The following ZCWPW2 variants were observed in gnomAD, a reference collection of about 807,000 sequenced individuals.
ZCWPW2 encodes the protein zinc finger CW-type PWWP domain protein 2.
Under a neutral mutation model 46.6 loss-of-function variants are expected in ZCWPW2, and 45 were observed. The observed-to-expected ratio is 0.96, with a 90% confidence interval of 0.76 to 1.24. ZCWPW2 has a LOEUF of 1.24. Ranked by LOEUF, ZCWPW2 falls within the 50% of genes most tolerant of loss-of-function variation. ZCWPW2 has a pLI of 0.00. For missense variants in ZCWPW2, 429 were observed against 403.9 expected, an observed-to-expected ratio of 1.06 and a Z score of -0.53; for synonymous variants, 152 against 137.1, an observed-to-expected ratio of 1.11 and a Z score of -0.76.
At chr3:28,500,425 T>C (rs1302582613) in intron 6 of ZCWPW2, among the ~76,000 whole-genome samples, 10 of 152,244 alleles carry the variant, frequency 6.6e-5, no homozygotes, top group Admixed American at 5.2e-4. Flanking sequence ...TATTACCAAC[T>C]GGAAAAGGAT....
chr3:28,377,113 T>A (rs1705525078), intron 1 of ZCWPW2, among the ~76,000 whole-genome samples: 1 of 152,050 alleles, frequency 6.6e-6, no homozygotes, highest in Non-Finnish European at 1.5e-5. Flanking sequence ...TTAGAGACCT[T>A]TAGTTTGTTT....
At chr3:28,424,228 A>ACACACACACACACAC (rs1696911938) in intron 3 of ZCWPW2, among the ~76,000 whole-genome samples, 1 of 138,868 alleles carries the variant, frequency 7.2e-6, no homozygotes, top group African/African-American at 2.7e-5. Context: ...GTCTTATTCC[A>ACACACACACACACAC]ACACACACAC....
intron 1 of ZCWPW2, among the ~76,000 whole-genome samples, chr3:28,350,472 A>G (rs1375297028): frequency 6.6e-6 from 1 of 152,214 alleles, no homozygotes; most frequent in African/African-American, 2.4e-5. Flanking sequence ...TGCACACTAC[A>G]CAGTGGGTTT....
chr3:28,424,736 T>G (rs1696937452), intron 3 of ZCWPW2, among the ~76,000 whole-genome samples: 1 of 152,212 alleles, frequency 6.6e-6, no homozygotes, highest in Non-Finnish European at 1.5e-5. Context: ...GTATGGGAAA[T>G]CAGGGAAAAT....
At chr3:28,457,773 TCA>T (rs1245115180) in intron 4 of ZCWPW2, among the ~76,000 whole-genome samples, 2 of 152,204 alleles carry the variant, frequency 1.3e-5, no homozygotes, top group Non-Finnish European at 1.5e-5. Flanking sequence ...CTGATGAATT[TCA>T]GTTTTGTTAA....
chr3:28,450,991 G>C (rs1403632933), intron 4 of ZCWPW2, among the ~76,000 whole-genome samples: 1 of 152,172 alleles, frequency 6.6e-6, no homozygotes, highest in African/African-American at 2.4e-5. Flanking sequence ...TGGCTTGTGA[G>C]TGAAAGTGAT....
At chr3:28,404,219 G>A (rs1696062787) in intron 2 of ZCWPW2, among the ~76,000 whole-genome samples, 1 of 150,242 alleles carries the variant, frequency 6.7e-6, no homozygotes, top group African/African-American at 2.4e-5. Flanking sequence ...GTGGCCTAAG[G>A]ACATGAATAC....
chr3:28,451,607 C>G (rs1698227553), intron 4 of ZCWPW2, among the ~76,000 whole-genome samples: 1 of 152,148 alleles, frequency 6.6e-6, no homozygotes, highest in Non-Finnish European at 1.5e-5. Context: ...AGGCAGAATT[C>G]TTATTTTCAA....
intron 3 of ZCWPW2, among the ~76,000 whole-genome samples, chr3:28,427,213 TA>T (rs1418136144): frequency 1.3e-5 from 2 of 152,122 alleles, no homozygotes; most frequent in African/African-American, 4.8e-5. Flanking sequence ...CTCATCCGAG[TA>T]AAAGGAAAAA....
chr3:28,419,988 T>C (rs903594033), intron 3 of ZCWPW2, among the ~76,000 whole-genome samples: 22 of 145,004 alleles, frequency 1.5e-4, no homozygotes, highest in African/African-American at 5.4e-4. Flanking sequence ...GACGAGTTAA[T>C]GGGTGCAGCA....
chr3:28,494,962 A>T lies in ZCWPW2; in HGVS notation c.657+2789A>T, dbSNP rs527684126. ...ACAAATGGAAGAACATTCCATGCTC[A>T]TGGGTAGGAAGATTCAATATTGTGA... On this transcript the variant is annotated intron_variant, in intron 6 of 9. Transcript: ENST00000383768. Among the ~76,000 whole-genome samples, 11 of 151,848 alleles carry T rather than the reference A, an allele frequency of 7.2e-5. No homozygotes were observed. The East Asian group carries it at 1.7e-3, about 24-fold the overall frequency.
At chr3:28,438,974 AGTCTC>A in intron 4 of ZCWPW2, among the ~76,000 whole-genome samples, 1 of 151,842 alleles carries the variant, frequency 6.6e-6, no homozygotes, top group African/African-American at 2.4e-5. Context: ...GAAATTATTG[AGTCTC>A]AGTGTATTAG....
intron 1 of ZCWPW2, among the ~76,000 whole-genome samples, chr3:28,373,676 A>T (rs1258979283): frequency 6.6e-6 from 1 of 152,022 alleles, no homozygotes; most frequent in Non-Finnish European, 1.5e-5. Context: ...GGGTTTCACC[A>T]TCTTGGCCAG....
At chr3:28,357,156 C>T (rs1049245304) in intron 1 of ZCWPW2, among the ~76,000 whole-genome samples, 15 of 151,792 alleles carry the variant, frequency 9.9e-5, no homozygotes, top group African/African-American at 3.4e-4. Context: ...ATTATAAAAA[C>T]CAGGAAGACA....
At chr3:28,499,207 C>T (rs1046160041) in intron 6 of ZCWPW2, among the ~76,000 whole-genome samples, 1 of 152,076 alleles carries the variant, frequency 6.6e-6, no homozygotes, top group African/African-American at 2.4e-5. Flanking sequence ...GTTCTAAATC[C>T]TTGCGGAATC....
At chr3:28,475,943 G>T (rs1699225755) in intron 4 of ZCWPW2, among the ~76,000 whole-genome samples, 2 of 151,586 alleles carry the variant, frequency 1.3e-5, no homozygotes. Context: ...GTTATATATT[G>T]TCTCTTCTCA....
In ZCWPW2 at chr3:28,501,983, G is replaced by A. The variant is rs146714710; in HGVS notation, c.657+9810G>A. Among the ~76,000 whole-genome samples the A allele has an allele frequency of 1.5e-3, 231 of 151,992 alleles. 1 individual carries two copies. The highest frequency in any genetic ancestry group is 4.5e-3 in the African/African-American group (187 of 41,492). Reference sequence around the variant, plus strand: ...AATAATCCTCCCACCTTGGCCTCCCGTAGTGCTGGGATTACAGGCATGAGC... The same window carrying A: ...AATAATCCTCCCACCTTGGCCTCCCATAGTGCTGGGATTACAGGCATGAGC... On this transcript the variant is annotated intron_variant, in intron 6 of 9. Coordinates refer to ENST00000383768, the MANE Select transcript of ZCWPW2 (RefSeq NM_001040432.4).
chr3:28,427,118 T>A (rs535784973), intron 3 of ZCWPW2, among the ~76,000 whole-genome samples: 24 of 152,344 alleles, frequency 1.6e-4, no homozygotes, highest in Admixed American at 1.3e-3. Flanking sequence ...ATCGTATACT[T>A]TTCTTGTAAT....
At chr3:28,452,137 T>C (rs1698248032) in intron 4 of ZCWPW2, among the ~76,000 whole-genome samples, 1 of 152,218 alleles carries the variant, frequency 6.6e-6, no homozygotes, top group South Asian at 2.1e-4. Context: ...AAGAATAAAG[T>C]TGTCAAAGTG....
Sources: allele counts gnomAD v4.1 joint callset (sites outside exome capture counted in the v4.1 genomes callset), GRCh38; gene constraint gnomAD v4.1.1; transcripts MANE v1.5; gene names NCBI Gene and HGNC (gene_info 2026-07-23, HGNC 2026-07-21).